ATP7A: variants seen among roughly 807,000 people sequenced by gnomAD.
ATP7A encodes copper-transporting ATPase 1.
Under a neutral mutation model 83.5 loss-of-function variants are expected in ATP7A, and 7 were observed. The observed-to-expected ratio is 0.08, with a 90% CI of 0.05 to 0.16. The LOEUF (loss-of-function observed/expected upper bound fraction) is 0.16, where lower values mean the gene tolerates loss of function less well. Ranked by LOEUF, ATP7A falls within the 10% of genes least tolerant of loss-of-function variation. ATP7A has a pLI of 1.00. For missense variants in ATP7A, 940 were observed against 1,120.8 expected, an observed-to-expected ratio of 0.84 and a Z score of 2.30; for synonymous variants, 354 against 395.2, an observed-to-expected ratio of 0.90 and a Z score of 1.24.
At chrX:77,939,358 A>G (rs781859753) in intron 1 of ATP7A, among the ~76,000 whole-genome samples, 6 of 111,071 alleles carry the variant, frequency 5.4e-5, no homozygotes, top group Non-Finnish European at 9.4e-5. Flanking sequence ...CTATATTAGT[A>G]TCTTTGAGTA....
At chrX:78,007,501 A>G (rs1603384535) in intron 6 of ATP7A, among the ~76,000 whole-genome samples, 1 of 110,594 alleles carries the variant, frequency 9.0e-6, no homozygotes, top group East Asian at 2.8e-4. Flanking sequence ...AATTTTTTGT[A>G]TTTGTAGTAG....
chrX:77,939,994 A>C lies in ATP7A; in HGVS notation c.-22+29159A>C, dbSNP rs192751480. On this transcript the variant is annotated intron_variant, in intron 1 of 22. Coordinates refer to ENST00000341514, the MANE Select transcript of ATP7A (RefSeq NM_000052.7). ...CTATTTAAGTTAGTCTATAAATTTA[A>C]GAGATTTTGATGGAGGGAGGATCTG... 2.3e-3 allele frequency among the ~76,000 whole-genome samples: 256 copies of C among 109,924 alleles called. 4 individuals are homozygous for C. The highest frequency in any genetic ancestry group is 8.2e-3 in the African/African-American group (251 of 30,454).
chrX:77,968,271 A>C (rs2077521511), intron 1 of ATP7A, among the ~76,000 whole-genome samples: 1 of 112,209 alleles, frequency 8.9e-6, no homozygotes, highest in African/African-American at 3.2e-5. Flanking sequence ...AAGAAACCCC[A>C]GAAGGGTTAT....
rs76893610 is a variant in ATP7A, at chrX:77,911,559, A to AT, written c.-22+739dup. ...GAATTAGATGATACTGAGGTTATTA[A>AT]TTTTTTTTTTTTTTTGCCGGGTGCG... On this transcript the variant is annotated intron_variant, in intron 1 of 22. Transcript: ENST00000341514. 4.1e-3 allele frequency among the ~76,000 whole-genome samples: 336 copies of AT among 82,064 alleles called. 4 individuals carry two copies. The highest frequency in any genetic ancestry group is 0.033 in the East Asian group (91 of 2,750). 71.3% of individuals were successfully genotyped at this position (82,064 alleles called of 115,157 possible).
chrX:77,917,634 A>C (rs1375775014), intron 1 of ATP7A, among the ~76,000 whole-genome samples: 1 of 112,384 alleles, frequency 8.9e-6, no homozygotes, highest in Non-Finnish European at 1.9e-5. Flanking sequence ...AAATGTCTTC[A>C]AGCAAAACAA....
chrX:77,983,684 T>TA (rs2077617240), intron 2 of ATP7A, among the ~76,000 whole-genome samples: 1 of 111,770 alleles, frequency 8.9e-6, no homozygotes, highest in South Asian at 3.7e-4. Flanking sequence ...TGTAGGCTGT[T>TA]ACATTTATTT....
Position 78,021,070 on chromosome X carries a change from C to G in ATP7A, c.2907C>G (p.Thr969=), listed in dbSNP as rs781835541. Residue 969 remains threonine, a synonymous_variant, in exon 14 of 23, where the codon ACC becomes ACG. Coordinates refer to ENST00000341514, the MANE Select transcript of ATP7A (RefSeq NM_000052.7). The part of the protein sequence containing the change: ...IGFLNFEIVE[T]YFPGYNRSIS... ...TTCTGAATTTTGAAATTGTGGAAACCTACTTTCCTGTAAGTGACTTGTAAT... is the reference window on the plus strand; with the variant it reads ...TTCTGAATTTTGAAATTGTGGAAACGTACTTTCCTGTAAGTGACTTGTAAT... The G allele has an allele frequency of 5.3e-5, 64 of 1,204,237 alleles. No individual in the cohort carries two copies. The highest frequency in any genetic ancestry group is 7.1e-5 in the Non-Finnish European group (63 of 891,387).
chrX:78,014,829 A>G, intron 11 of ATP7A, 76 bp downstream of exon 11: 1 of 761,830 alleles, frequency 1.3e-6, no homozygotes, highest in East Asian at 3.3e-5. Context: ...AGAAGTAGAA[A>G]AAGGACTATC....
At chrX:78,004,491 G>A (rs2077760232) in intron 6 of ATP7A, among the ~76,000 whole-genome samples, 1 of 112,454 alleles carries the variant, frequency 8.9e-6, no homozygotes, top group South Asian at 3.6e-4. Context: ...GCTCACGCCT[G>A]TAATCTCAGC....
Position 77,930,001 on chromosome X carries a change from A to C in ATP7A, c.-22+19166A>C, listed in dbSNP as rs139841448. ...ACCTGCAAGGAAAAGAAAACAGGAG[A>C]GCTAAATCAGCAGAGGGATGAATTT... On this transcript the variant is annotated intron_variant, in intron 1 of 22. Transcript: ENST00000341514. 4.6e-3 allele frequency among the ~76,000 whole-genome samples: 511 copies of C among 112,040 alleles called. 15 individuals carry two copies. The East Asian group carries it at 0.12, about 26-fold the overall frequency.
At chrX:78,027,967 A>G (rs966844913) in intron 14 of ATP7A, among the ~76,000 whole-genome samples, 1 of 110,666 alleles carries the variant, frequency 9.0e-6, no homozygotes, top group Non-Finnish European at 1.9e-5. Context: ...CACACTGAAC[A>G]AAAGGATTGT....
chrX:77,982,998 C>G (rs144178036), intron 2 of ATP7A, among the ~76,000 whole-genome samples: 1 of 111,956 alleles, frequency 8.9e-6, no homozygotes, highest in African/African-American at 3.2e-5. Flanking sequence ...TCATGTATTG[C>G]GCCTTCTCCC....
At chrX:77,991,396 A>G (rs190230959) in intron 4 of ATP7A, among the ~76,000 whole-genome samples, 27 of 112,294 alleles carry the variant, frequency 2.4e-4, no homozygotes, top group African/African-American at 8.7e-4. Context: ...ATGTATTAGA[A>G]CATCATTCCT....
chrX:77,931,972 A>G (rs1167174205), intron 1 of ATP7A, among the ~76,000 whole-genome samples: 7 of 95,884 alleles, frequency 7.3e-5, no homozygotes, highest in Non-Finnish European at 1.2e-4. Flanking sequence ...TCCCTCCCGG[A>G]CGGGGCGGCT....
intron 1 of ATP7A, among the ~76,000 whole-genome samples, chrX:77,918,057 G>A (rs1234014097): frequency 9.6e-6 from 1 of 104,555 alleles, no homozygotes; most frequent in Non-Finnish European, 2.0e-5. Context: ...TGACAGTATT[G>A]TTCAGGCACT....
chrX:77,948,088 T>TA (rs1286643341), intron 1 of ATP7A, among the ~76,000 whole-genome samples: 6 of 95,989 alleles, frequency 6.3e-5, no homozygotes, highest in Non-Finnish European at 1.2e-4. Flanking sequence ...TTTATTTATT[T>TA]ATTTATTTAT....
rs2077649330 is a variant in ATP7A at position 77,988,161 on chromosome X, G to A, written c.121-81G>A. Reference sequence around the variant, plus strand: ...TAGATTGAGTTGTCTCACTCTTCTTGAATGTGGTGTGATGATTATTATTTT... The same window carrying A: ...TAGATTGAGTTGTCTCACTCTTCTTAAATGTGGTGTGATGATTATTATTTT... On this transcript the variant is annotated intron_variant, in intron 2 of 22. Transcript: ENST00000341514. 3 of 1,029,939 alleles carry A rather than the reference G, an allele frequency of 2.9e-6. No homozygotes were observed. In the African/African-American group the frequency reaches 5.7e-5, roughly 20 times the overall value. The allele number at this position is 1,029,939 out of a possible 1,213,427, so 84.9% of individuals were successfully genotyped here. A position where few individuals can be genotyped will look rare whatever the true frequency, so the allele number is the denominator to read the frequency against.
chrX:77,927,282 A>T (rs1258804229), intron 1 of ATP7A, among the ~76,000 whole-genome samples: 2 of 110,482 alleles, frequency 1.8e-5, no homozygotes, highest in African/African-American at 6.6e-5. Flanking sequence ...CTATTAACTG[A>T]TCTGGTATGA....
intron 1 of ATP7A, among the ~76,000 whole-genome samples, chrX:77,931,706 A>G (rs1443373577): frequency 1.0e-5 from 1 of 99,625 alleles, no homozygotes; most frequent in Admixed American, 1.0e-4. Context: ...CTCACTTCCC[A>G]GTAGGGGCGG....
Sources: gnomAD v4.1 joint callset for allele counts (sites outside exome capture counted in the v4.1 genomes callset) on GRCh38, gnomAD v4.1.1 for gene constraint, MANE v1.5 for transcripts, NCBI Gene and HGNC (gene_info 2026-07-23, HGNC 2026-07-21) for gene names.